The following LAPTM4A variants were observed in gnomAD, a reference collection of about 807,000 sequenced individuals.
LAPTM4A encodes the protein lysosomal-associated transmembrane protein 4A.
A neutral mutation model predicts 29.9 loss-of-function variants in LAPTM4A; 19 were observed. The ratio of observed to expected loss-of-function variants is 0.64; its 90% confidence interval spans 0.44 to 0.93. LAPTM4A has a LOEUF of 0.93. Among genes scored for constraint, LAPTM4A ranks in the 40% least tolerant of loss-of-function variants. The probability of loss-of-function intolerance (pLI) is 0.00; values close to 1 mark genes in which losing one functional copy is unlikely to be tolerated. For missense variants in LAPTM4A, 293 were observed against 288.5 expected, an observed-to-expected ratio of 1.02 and a Z score of -0.11; for synonymous variants, 105 against 102.1, an observed-to-expected ratio of 1.03 and a Z score of -0.17.
At chr2:20,049,491 G>A (rs1674006553) in intron 1 of LAPTM4A, among the ~76,000 whole-genome samples, 2 of 152,164 alleles carry the variant, frequency 1.3e-5, no homozygotes, top group African/African-American at 2.4e-5. Flanking sequence ...TCCCTATTTT[G>A]TAAGAATAAG....
rs757351072 is a variant in LAPTM4A, at chr2:20,051,448, CA to C, written c.72del (p.His24GlnfsTer15). Reference sequence around the variant, plus strand: ...CCCAGGATGATCGTCCCGGTGCGGACATGGCAACAGCCGCAGCACCGGGTGC... The same window carrying C: ...CCCAGGATGATCGTCCCGGTGCGGACTGGCAACAGCCGCAGCACCGGGTGC... ...FYSTRCCGCC[H>X]VRTGTIILGT... On this transcript the variant is annotated frameshift_variant, in exon 1 of 7. Transcript: ENST00000175091. LOFTEE classifies it high-confidence loss of function. 6.2e-7 allele frequency: 1 copy of C among 1,613,472 alleles called. No individual in the cohort carries two copies. Among genetic ancestry groups the C allele is most frequent in the South Asian group, 1.1e-5 (1 of 90,990 alleles).
In LAPTM4A at chr2:20,041,002, G is replaced by T. The variant is rs536328525; in HGVS notation, c.121C>A (p.Leu41Ile). 2 of 1,613,592 alleles carry T rather than the reference G, an allele frequency of 1.2e-6. No individual in the cohort carries two copies. The highest frequency in any genetic ancestry group is 1.1e-5 in the South Asian group (1 of 91,028). ...ILGTWYMVVN[L>I]LMAILLTVEV... ...ACAGTCAGCAAAATTGCCATCAATAGGTTTACTACCTGGAAAAGATAACAT... is the reference window on the plus strand; with the variant it reads ...ACAGTCAGCAAAATTGCCATCAATATGTTTACTACCTGGAAAAGATAACAT... Residue 41 changes from leucine to isoleucine, a missense_variant, in exon 2 of 7, where the codon CTA becomes ATA. Physicochemically the swap from Leu to Ile is conservative, Grantham distance 5. Transcript: ENST00000175091.
At chr2:20,046,350 TA>T (rs950410205) in intron 1 of LAPTM4A, among the ~76,000 whole-genome samples, 2,139 of 147,522 alleles carry the variant, frequency 0.014, 51 homozygotes, top group African/African-American at 0.051. Context: ...CAGTATAATT[TA>T]AAAAAAAAAA....
chr2:20,041,723 C>T lies in LAPTM4A; in HGVS notation c.112-712G>A, dbSNP rs187009890. On this transcript the variant is annotated intron_variant, in intron 1 of 6. Transcript: ENST00000175091. ...GTGATTTTTGTATTTTTAGTAGAGA[C>T]GGGGTTTCACTATGTTGGCCAGGCT... Among the ~76,000 whole-genome samples, 516 of 152,168 alleles carry T rather than the reference C, an allele frequency of 3.4e-3. 2 individuals are homozygous for T. Among genetic ancestry groups the T allele is most frequent in the Non-Finnish European group, 4.8e-3 (326 of 67,984 alleles).
rs1294568309 is a variant in LAPTM4A, at chr2:20,037,372, C to A, written c.376G>T (p.Val126Phe). ...RLFDFVLSCLVAISSLTYLPR... is the reference protein window; with the variant it reads ...RLFDFVLSCLFAISSLTYLPR... ...AAATAGGTGAGAGAACTAATAGCAA[C>A]CAGGCAACTGAGGACGAAGTCAAAA... The change falls in exon 4 of 7, where the codon GTT becomes TTT. Residue 126 changes from valine (V) to phenylalanine (F), a missense_variant. By Grantham distance (50) the Val-to-Phe change is conservative. Transcript: ENST00000175091. 5 of 1,612,952 alleles carry A rather than the reference C, an allele frequency of 3.1e-6. No individual in the cohort carries two copies. In the African/African-American group the frequency reaches 5.3e-5, roughly 17 times the overall value.
chr2:20,044,047 T>C (rs1289623107), intron 1 of LAPTM4A, among the ~76,000 whole-genome samples: 1 of 152,226 alleles, frequency 6.6e-6, no homozygotes, highest in Non-Finnish European at 1.5e-5. Flanking sequence ...AGCAAGCCTC[T>C]TTCCTTGCAT....
intron 5 of LAPTM4A, 46 bp downstream of exon 5, chr2:20,034,921 A>G: frequency 7.3e-7 from 1 of 1,370,552 alleles, no homozygotes; most frequent in Admixed American, 1.8e-5. Flanking sequence ...GTTTAGATTC[A>G]CAGTGTCAAT....
intron 2 of LAPTM4A, 95 bp from the exon 3 acceptor site, chr2:20,037,709 T>C: frequency 1.4e-6 from 1 of 725,146 alleles, no homozygotes; most frequent in Non-Finnish European, 2.1e-6. Context: ...TAAATTTAAA[T>C]ATTTTCAAAA....
intron 1 of LAPTM4A, among the ~76,000 whole-genome samples, chr2:20,045,870 CA>C (rs1413661568): frequency 1.3e-5 from 2 of 152,118 alleles, no homozygotes; most frequent in Non-Finnish European, 2.9e-5. Context: ...ATAATTAAAA[CA>C]GTGTGTCTGG....
At chr2:20,036,853 C>T (rs1673687923) in intron 4 of LAPTM4A, among the ~76,000 whole-genome samples, 1 of 152,168 alleles carries the variant, frequency 6.6e-6, no homozygotes, top group South Asian at 2.1e-4. Context: ...TCTTGACTCC[C>T]CAAATATTAC....
chr2:20,040,245 G>C (rs770095915), intron 2 of LAPTM4A, among the ~76,000 whole-genome samples: 3 of 151,842 alleles, frequency 2.0e-5, no homozygotes, highest in Non-Finnish European at 4.4e-5. Flanking sequence ...GTCTTATGAA[G>C]CCTGCATGCT....
chr2:20,051,490 T>C lies in LAPTM4A; in HGVS notation c.31A>G (p.Ser11Gly), dbSNP rs1357952509. Residue 11 changes from serine to glycine, a missense_variant, in exon 1 of 7, where the codon AGT becomes GGT. Coordinates refer to ENST00000175091, the MANE Select transcript of LAPTM4A (RefSeq NM_014713.5). MVSMSFKRNR[S>G]DRFYSTRCCG... ...CACCGGGTGCTGTAGAACCGGTCACTGCGGTTCCGCTTGAAACTCATGGAC... is the reference window on the plus strand; with the variant it reads ...CACCGGGTGCTGTAGAACCGGTCACCGCGGTTCCGCTTGAAACTCATGGAC... 2 of 1,611,576 alleles carry C rather than the reference T, an allele frequency of 1.2e-6. No individual in the cohort carries two copies. The highest frequency in any genetic ancestry group is 2.2e-5 in the East Asian group (1 of 44,712).
chr2:20,045,229 T>G (rs1269689570), intron 1 of LAPTM4A, among the ~76,000 whole-genome samples: 6 of 152,366 alleles, frequency 3.9e-5, no homozygotes, highest in African/African-American at 1.2e-4. Flanking sequence ...ATGTACTAAC[T>G]ATTACAAATA....
In LAPTM4A at chr2:20,032,997, A is replaced by G; in HGVS notation, c.*208T>C. 1 of 550,158 alleles carries G rather than the reference A, an allele frequency of 1.8e-6. No homozygotes were observed. The highest frequency in any genetic ancestry group is 3.1e-5 in the Admixed American group (1 of 32,020). 34.1% of individuals were successfully genotyped at this position (550,158 alleles called of 1,614,324 possible). ...TCTTGCTTAACCTAGATTGTCTTCA[A>G]AAACTATTAAAATGTAAAAGACTTA... On this transcript the variant is annotated 3_prime_UTR_variant, in exon 7 of 7. Coordinates refer to ENST00000175091, the MANE Select transcript of LAPTM4A (RefSeq NM_014713.5).
At chr2:20,035,809 ATCT>A (rs1219805041) in intron 4 of LAPTM4A, among the ~76,000 whole-genome samples, 1 of 152,204 alleles carries the variant, frequency 6.6e-6, no homozygotes, top group East Asian at 1.9e-4. Flanking sequence ...ATAAATTTTT[ATCT>A]TCTTTTCTAT....
intron 2 of LAPTM4A, among the ~76,000 whole-genome samples, chr2:20,039,296 T>C (rs1673744265): frequency 2.0e-5 from 3 of 152,220 alleles, no homozygotes; most frequent in African/African-American, 7.2e-5. Context: ...TTTACTTTTT[T>C]CTTAGAGGAT....
At chr2:20,038,641 G>C (rs1673731476) in intron 2 of LAPTM4A, among the ~76,000 whole-genome samples, 1 of 152,024 alleles carries the variant, frequency 6.6e-6, no homozygotes, top group Non-Finnish European at 1.5e-5. Context: ...GGCCAGGCTG[G>C]TCTAAACTCC....
At chr2:20,038,067 G>T (rs1673718758) in intron 2 of LAPTM4A, among the ~76,000 whole-genome samples, 1 of 152,168 alleles carries the variant, frequency 6.6e-6, no homozygotes, top group Non-Finnish European at 1.5e-5. Flanking sequence ...GGGTTTAGCT[G>T]GAAGGAATGG....
In LAPTM4A at chr2:20,034,983, A is replaced by G. The variant is rs889583764; in HGVS notation, c.512T>C (p.Leu171Ser). ...LLFIVLVFFA[L>S]FIIFKAYLIN... Reference sequence around the variant, plus strand: ...GCAACGTACCTTAAAAATGATGAATAAGGCAAAGAACACAAGAACAATGAA... The same window carrying G: ...GCAACGTACCTTAAAAATGATGAATGAGGCAAAGAACACAAGAACAATGAA... Residue 171 changes from leucine (L) to serine (S), a missense_variant, in exon 5 of 7, where the codon TTA becomes TCA. Transcript: ENST00000175091. 6.2e-7 allele frequency: 1 copy of G among 1,611,434 alleles called. No individual in the cohort carries two copies.
Sources: allele counts gnomAD v4.1 joint callset (sites outside exome capture counted in the v4.1 genomes callset), GRCh38; gene constraint gnomAD v4.1.1; transcripts MANE v1.5; gene names NCBI Gene and HGNC (gene_info 2026-07-23, HGNC 2026-07-21).